The following PKIG variants were observed in gnomAD, a reference collection of about 807,000 sequenced individuals.
PKIG encodes cAMP-dependent protein kinase inhibitor gamma, also known as protein kinase (cAMP-dependent, catalytic) inhibitor gamma.
In PKIG, 1 loss-of-function variant was observed where a neutral mutation model predicts 6.8. The observed-to-expected ratio is 0.15, with a 90% confidence interval of 0.05 to 0.69. The LOEUF is 0.69. Ranked by LOEUF, PKIG falls within the 30% of genes least tolerant of loss-of-function variation. The pLI is 0.82. For synonymous variants in PKIG, 39 were observed against 43.0 expected, an observed-to-expected ratio of 0.91 and a Z score of 0.36; for missense variants, 77 against 104.0, an observed-to-expected ratio of 0.74 and a Z score of 1.13.
intron 3 of PKIG, among the ~76,000 whole-genome samples, chr20:44,617,406 G>A (rs2065275382): frequency 6.6e-6 from 1 of 152,162 alleles, no homozygotes; most frequent in South Asian, 2.1e-4. Context: ...TGCAGCCTGA[G>A]GAGGAAAGCA....
chr20:44,565,732 A>G (rs2064804893), intron 1 of PKIG, among the ~76,000 whole-genome samples: 1 of 152,132 alleles, frequency 6.6e-6, no homozygotes, highest in Non-Finnish European at 1.5e-5. Context: ...TGACTTTAAT[A>G]TGGACTTTAC....
At chr20:44,532,385 A>G (rs1365191716) in intron 1 of PKIG, among the ~76,000 whole-genome samples, 1 of 152,180 alleles carries the variant, frequency 6.6e-6, no homozygotes, top group Non-Finnish European at 1.5e-5. Flanking sequence ...CACCTGTCTG[A>G]TGACGTTATT....
At chr20:44,551,980 G>A (rs561231430) in intron 1 of PKIG, among the ~76,000 whole-genome samples, 5 of 152,196 alleles carry the variant, frequency 3.3e-5, no homozygotes, top group Admixed American at 2.0e-4. Flanking sequence ...TATTGGAATC[G>A]GCTAGGAAAT....
intron 1 of PKIG, among the ~76,000 whole-genome samples, chr20:44,538,095 C>G (rs1467322553): frequency 6.6e-6 from 1 of 152,172 alleles, no homozygotes; most frequent in Admixed American, 6.5e-5. Flanking sequence ...GGAACTCTTA[C>G]AAAATGAAAA....
At chr20:44,559,660 C>G (rs1211227033) in intron 1 of PKIG, among the ~76,000 whole-genome samples, 1 of 152,138 alleles carries the variant, frequency 6.6e-6, no homozygotes, top group Non-Finnish European at 1.5e-5. Context: ...AAAGAAGTGA[C>G]TGGATGTTGG....
At chr20:44,573,930 T>A (rs922032394) in intron 1 of PKIG, among the ~76,000 whole-genome samples, 1 of 152,182 alleles carries the variant, frequency 6.6e-6, no homozygotes, top group East Asian at 1.9e-4. Flanking sequence ...TAGCAACTGA[T>A]AATAATAGCT....
At chr20:44,541,170 T>A (rs906720812) in intron 1 of PKIG, among the ~76,000 whole-genome samples, 2 of 152,216 alleles carry the variant, frequency 1.3e-5, no homozygotes, top group African/African-American at 4.8e-5. Flanking sequence ...GCTTAGGACA[T>A]GAGCAGTGGG....
At chr20:44,611,824 C>A (rs1423739839) in intron 2 of PKIG, among the ~76,000 whole-genome samples, 1 of 151,742 alleles carries the variant, frequency 6.6e-6, no homozygotes, top group Non-Finnish European at 1.5e-5. Flanking sequence ...TAGCCGATAA[C>A]AAATTTTTTT....
chr20:44,612,455 C>A (rs1344327958), intron 2 of PKIG, among the ~76,000 whole-genome samples: 1 of 152,300 alleles, frequency 6.6e-6, no homozygotes, highest in Admixed American at 6.5e-5. Flanking sequence ...ACCACCCCTC[C>A]CACTTACTAA....
chr20:44,558,873 T>C (rs1439842669), intron 1 of PKIG, among the ~76,000 whole-genome samples: 1 of 152,000 alleles, frequency 6.6e-6, no homozygotes, highest in African/African-American at 2.4e-5. Flanking sequence ...TGCCTCAGTC[T>C]CCCAAGTAGC....
intron 1 of PKIG, among the ~76,000 whole-genome samples, chr20:44,584,722 CTTT>C (rs3092041): frequency 1.4e-5 from 2 of 140,278 alleles, no homozygotes; most frequent in Non-Finnish European, 3.1e-5. Context: ...CTTGGCACTT[CTTT>C]TTTTTTTTTT....
chr20:44,540,424 T>C (rs1202533848), intron 1 of PKIG, among the ~76,000 whole-genome samples: 1 of 152,262 alleles, frequency 6.6e-6, no homozygotes, highest in African/African-American at 2.4e-5. Flanking sequence ...TTAAAGGCTT[T>C]CTTGGGTGAC....
intron 1 of PKIG, among the ~76,000 whole-genome samples, chr20:44,555,533 A>G (rs2064705528): frequency 6.6e-6 from 1 of 152,242 alleles, no homozygotes; most frequent in South Asian, 2.1e-4. Context: ...TTGGCTTTAG[A>G]TAAGTTACAG....
At chr20:44,554,996 G>A (rs559793668) in intron 1 of PKIG, among the ~76,000 whole-genome samples, 5 of 152,136 alleles carry the variant, frequency 3.3e-5, no homozygotes, top group South Asian at 2.1e-4. Flanking sequence ...TTACAGATTT[G>A]TTGAAGCTTA....
intron 1 of PKIG, among the ~76,000 whole-genome samples, chr20:44,542,093 G>A (rs534124316): frequency 6.6e-6 from 1 of 152,224 alleles, no homozygotes; most frequent in South Asian, 2.1e-4. Context: ...AATAACTTAC[G>A]GAGCTTTCCT....
Position 44,618,699 on chromosome 20 carries a change from C to T in PKIG, c.*335C>T, listed in dbSNP as rs1052406031. 3.9e-5 allele frequency: 9 copies of T among 231,930 alleles called. No homozygotes were observed. Among genetic ancestry groups the T allele is most frequent in the South Asian group, 1.3e-4 (2 of 15,180 alleles). The allele number at this position is 231,930 out of a possible 1,614,324, so 14.4% of individuals were successfully genotyped here. A position where few individuals can be genotyped will look rare whatever the true frequency, so the allele number is the denominator to read the frequency against. On this transcript the variant is annotated 3_prime_UTR_variant, in exon 4 of 4. Coordinates refer to ENST00000372886, the MANE Select transcript of PKIG (RefSeq NM_001281445.2). Reference sequence around the variant, plus strand: ...CACACAGGAACGCTCCTCTCGCGAGCGGCCCGGGCAGGGACCCTGTCCCAA... The same window carrying T: ...CACACAGGAACGCTCCTCTCGCGAGTGGCCCGGGCAGGGACCCTGTCCCAA...
At chr20:44,569,923 GT>G (rs1237094487) in intron 1 of PKIG, among the ~76,000 whole-genome samples, 1 of 152,210 alleles carries the variant, frequency 6.6e-6, no homozygotes, top group East Asian at 1.9e-4. Flanking sequence ...GAGACCAGAA[GT>G]TTGAGACCAG....
chr20:44,584,722 CT>C (rs3092041), intron 1 of PKIG, among the ~76,000 whole-genome samples: 282 of 140,176 alleles, frequency 2.0e-3, no homozygotes, highest in Middle Eastern at 0.015. Context: ...CTTGGCACTT[CT>C]TTTTTTTTTT....
intron 1 of PKIG, among the ~76,000 whole-genome samples, chr20:44,561,060 G>T (rs574439533): frequency 6.6e-6 from 1 of 152,222 alleles, no homozygotes; most frequent in South Asian, 2.1e-4. Flanking sequence ...ACAATGGGCC[G>T]GGTGTGATGG....
Sources: allele counts gnomAD v4.1 joint callset (sites outside exome capture counted in the v4.1 genomes callset), GRCh38; gene constraint gnomAD v4.1.1; transcripts MANE v1.5; gene names NCBI Gene and HGNC (gene_info 2026-07-23, HGNC 2026-07-21).